Variants in ANKRD33B observed in about 807,000 individuals in gnomAD.
The protein encoded by ANKRD33B is ankyrin repeat domain-containing protein 33B.
A neutral mutation model predicts 21.5 loss-of-function variants in ANKRD33B; 6 were observed. The observed-to-expected ratio is 0.28, with a 90% confidence interval of 0.15 to 0.55. The LOEUF is 0.55. ANKRD33B is among the 20% of genes least tolerant of loss of function. The pLI is 0.94. For synonymous variants in ANKRD33B, 347 were observed against 342.4 expected, an observed-to-expected ratio of 1.01 and a Z score of -0.15; for missense variants, 698 against 747.2, an observed-to-expected ratio of 0.93 and a Z score of 0.77.
chr5:10,621,129 G>A (rs891290638), intron 2 of ANKRD33B, among the ~76,000 whole-genome samples: 3 of 152,114 alleles, frequency 2.0e-5, no homozygotes, highest in Non-Finnish European at 4.4e-5. Context: ...GATGGCTCCA[G>A]TGTCCTTTTG....
chr5:10,643,661 C>A (rs965110048), intron 3 of ANKRD33B, among the ~76,000 whole-genome samples: 3 of 150,912 alleles, frequency 2.0e-5, no homozygotes, highest in African/African-American at 4.9e-5. Flanking sequence ...ACTGAAAATA[C>A]AAAAAAAATT....
Position 10,649,886 on chromosome 5 carries a change from G to C in ANKRD33B, c.1258G>C (p.Gly420Arg), listed in dbSNP as rs1181610932. 2 of 1,505,070 alleles carry C rather than the reference G, an allele frequency of 1.3e-6. No homozygotes were observed. Among genetic ancestry groups the C allele is most frequent in the South Asian group, 1.2e-5 (1 of 81,148 alleles). The allele number at this position is 1,505,070 out of a possible 1,614,324, so 93.2% of individuals were successfully genotyped here. The change falls in exon 4 of 4, where the codon GGT (glycine) becomes CGT (arginine). Residue 420 changes from glycine to arginine, a missense_variant. By Grantham distance (125) the Gly-to-Arg change is moderately radical. Around this residue, in one of 3 missense-constraint regions of ANKRD33B, gnomAD observed 543 missense variants for 566.5 expected, o/e 0.96. Transcript: ENST00000296657. The part of the protein sequence containing the change: ...QRLRRRSVRP[G>R]VVVPRVRVSK... The stretch of plus-strand genomic sequence containing the variant: ...CCTGCGGCGGAGAAGCGTGCGGCCC[G>C]GTGTGGTGGTGCCCCGGGTCCGAGT...
In ANKRD33B at chr5:10,649,950, C is replaced by G; in HGVS notation, c.1322C>G (p.Pro441Arg). The change falls in exon 4 of 4, where the codon CCG becomes CGG. Residue 441 changes from proline (P) to arginine (R), a missense_variant. Pro to Arg is a moderately radical substitution (Grantham distance 103, BLOSUM62 -2). Transcript: ENST00000296657. ...GCGCCCACCTTCCAGCCCGAGCGGCCGGCGCGGAAGGGCAGCACCAAGGAC... is the reference window on the plus strand; with the variant it reads ...GCGCCCACCTTCCAGCCCGAGCGGCGGGCGCGGAAGGGCAGCACCAAGGAC... The part of the protein sequence containing the change: ...APAPTFQPER[P>R]ARKGSTKDSG... 9 of 1,530,242 alleles carry G rather than the reference C, an allele frequency of 5.9e-6. No homozygotes were observed. Among genetic ancestry groups the G allele is most frequent in the Non-Finnish European group, 7.9e-6 (9 of 1,143,792 alleles). The allele number at this position is 1,530,242 out of a possible 1,614,324, so 94.8% of individuals were successfully genotyped here. A position where few individuals can be genotyped will look rare whatever the true frequency, so the allele number is the denominator to read the frequency against.
intron 1 of ANKRD33B, among the ~76,000 whole-genome samples, chr5:10,608,898 CA>C (rs1269146610): frequency 6.6e-6 from 1 of 152,216 alleles, no homozygotes. Context: ...TTTACAGAGG[CA>C]CCTACTCTCT....
chr5:10,618,497 G>A (rs1399845280), intron 2 of ANKRD33B, 35 bp downstream of exon 2: 37 of 1,494,522 alleles, frequency 2.5e-5, no homozygotes, highest in Middle Eastern at 1.7e-4. Context: ...TCTCAGAGCC[G>A]TGGCCAGAGC....
chr5:10,586,761 G>A (rs1437818842), intron 1 of ANKRD33B, among the ~76,000 whole-genome samples: 1 of 151,978 alleles, frequency 6.6e-6, no homozygotes, highest in Non-Finnish European at 1.5e-5. Flanking sequence ...ACATATTCTG[G>A]GACATTACTC....
At chr5:10,647,472 C>T (rs562436113) in intron 3 of ANKRD33B, among the ~76,000 whole-genome samples, 4 of 152,228 alleles carry the variant, frequency 2.6e-5, no homozygotes, top group South Asian at 2.1e-4. Flanking sequence ...ACAGCAATTC[C>T]GTATTAATTT....
At chr5:10,591,654 T>G (rs1403007947) in intron 1 of ANKRD33B, among the ~76,000 whole-genome samples, 2 of 152,190 alleles carry the variant, frequency 1.3e-5, no homozygotes, top group East Asian at 3.8e-4. Flanking sequence ...GGTGTCTCAT[T>G]AATATTTTAA....
intron 1 of ANKRD33B, among the ~76,000 whole-genome samples, chr5:10,586,394 G>A (rs565727374): frequency 6.6e-6 from 1 of 152,120 alleles, no homozygotes; most frequent in African/African-American, 2.4e-5. Flanking sequence ...GGCTGGTGTT[G>A]GTGCCACAGC....
At chr5:10,636,649 C>A (rs1374522616) in intron 2 of ANKRD33B, among the ~76,000 whole-genome samples, 1 of 152,068 alleles carries the variant, frequency 6.6e-6, no homozygotes, top group Non-Finnish European at 1.5e-5. Flanking sequence ...AACTGGGTAC[C>A]CAGCACCTCC....
intron 1 of ANKRD33B, among the ~76,000 whole-genome samples, chr5:10,588,584 C>T (rs568767390): frequency 6.6e-6 from 1 of 152,320 alleles, no homozygotes; most frequent in South Asian, 2.1e-4. Flanking sequence ...CACACTTGGC[C>T]ATGTCACTTG....
chr5:10,590,897 C>A (rs1735670537), intron 1 of ANKRD33B, among the ~76,000 whole-genome samples: 1 of 152,114 alleles, frequency 6.6e-6, no homozygotes, highest in South Asian at 2.1e-4. Flanking sequence ...ACAATCAGGC[C>A]TGCAAGTCCT....
At chr5:10,591,153 A>G (rs1735676617) in intron 1 of ANKRD33B, among the ~76,000 whole-genome samples, 1 of 149,284 alleles carries the variant, frequency 6.7e-6, no homozygotes, top group Non-Finnish European at 1.5e-5. Context: ...TGCTGTTTCT[A>G]AGCCAGGTTT....
At chr5:10,581,499 G>C (rs1209454743) in intron 1 of ANKRD33B, among the ~76,000 whole-genome samples, 1 of 152,096 alleles carries the variant, frequency 6.6e-6, no homozygotes, top group Non-Finnish European at 1.5e-5. Context: ...GCTCATTTTT[G>C]GTCTCCCCTG....
chr5:10,642,987 C>G (rs1188787075), intron 3 of ANKRD33B, among the ~76,000 whole-genome samples: 1 of 152,128 alleles, frequency 6.6e-6, no homozygotes, highest in Non-Finnish European at 1.5e-5. Context: ...TCACTGCAAT[C>G]TCTGCCTCCT....
chr5:10,647,186 C>A (rs1195521333), intron 3 of ANKRD33B, among the ~76,000 whole-genome samples: 1 of 151,720 alleles, frequency 6.6e-6, no homozygotes, highest in Non-Finnish European at 1.5e-5. Flanking sequence ...CTCACTGCAA[C>A]CTCTGCCTCC....
intron 1 of ANKRD33B, among the ~76,000 whole-genome samples, chr5:10,608,077 G>A (rs1427881454): frequency 6.6e-6 from 1 of 151,976 alleles, no homozygotes; most frequent in Non-Finnish European, 1.5e-5. Flanking sequence ...GGCTGAGTAC[G>A]GGGGCTCACG....
chr5:10,575,422 CAAAA>C (rs397780167), intron 1 of ANKRD33B, among the ~76,000 whole-genome samples: 5 of 116,762 alleles, frequency 4.3e-5, no homozygotes, highest in Admixed American at 8.9e-5. Context: ...GAGACTGTCT[CAAAA>C]AAAAAAAAAA....
intron 3 of ANKRD33B, 75 bp downstream of exon 3, chr5:10,638,243 A>C (rs1057405026): frequency 4.1e-6 from 6 of 1,477,498 alleles, no homozygotes; most frequent in Non-Finnish European, 5.4e-6. Context: ...ATATGTTTTG[A>C]GATTAATCAC....
Sources: allele counts gnomAD v4.1 joint callset (sites outside exome capture counted in the v4.1 genomes callset), GRCh38; gene constraint gnomAD v4.1.1; regional missense constraint gnomAD v4.1.1; transcripts MANE v1.5; gene names NCBI Gene and HGNC (gene_info 2026-07-23, HGNC 2026-07-21).